The following HNRNPUL1 variants were observed in gnomAD, a reference collection of about 807,000 sequenced individuals.
HNRNPUL1 encodes the protein heterogeneous nuclear ribonucleoprotein U like 1.
A neutral mutation model predicts 108.5 loss-of-function variants in HNRNPUL1; 14 were observed. The ratio of observed to expected loss-of-function variants is 0.13; its 90% CI spans 0.09 to 0.20. HNRNPUL1 has a LOEUF of 0.20. HNRNPUL1 is among the 10% of genes least tolerant of loss of function. The pLI is 1.00. For missense variants in HNRNPUL1, 804 were observed against 1,168.3 expected (o/e 0.69, Z 4.55); for synonymous variants, 422 against 445.2 (o/e 0.95, Z 0.66).
rs184389154 is a variant in HNRNPUL1, at chr19:41,288,061, A to T, written c.1000-4184A>T. 2.0e-5 allele frequency among the ~76,000 whole-genome samples: 3 copies of T among 152,032 alleles called. No homozygotes were observed. In the East Asian group the frequency reaches 5.8e-4, roughly 29 times the overall value. On this transcript the variant is annotated intron_variant, in intron 7 of 14. Transcript: ENST00000392006. ...ATCATTGTGAATTGATTTTTTCAAG[A>T]ATAGGGTTTCCAAAAAAAAATCGAG...
intron 7 of HNRNPUL1, among the ~76,000 whole-genome samples, chr19:41,284,760 G>A (rs1366263730): frequency 6.6e-6 from 1 of 152,134 alleles, no homozygotes; most frequent in African/African-American, 2.4e-5. Context: ...CACTTTGGGC[G>A]GCCAAGGAGG....
At chr19:41,264,976 C>T (rs1461689149) in intron 1 of HNRNPUL1, 178 bp downstream of exon 1, 66 of 1,347,374 alleles carry the variant, frequency 4.9e-5, no homozygotes, top group Non-Finnish European at 1.3e-5. Context: ...AGGGTGGATC[C>T]TGACACTCAG....
chr19:41,301,253 A>G (rs190556260), intron 10 of HNRNPUL1, among the ~76,000 whole-genome samples: 71 of 152,342 alleles, frequency 4.7e-4, no homozygotes, highest in Non-Finnish European at 8.7e-4. Context: ...GGGAAAAGAA[A>G]TTGTAAGGTC....
At chr19:41,286,182 T>G (rs2036214226) in intron 7 of HNRNPUL1, among the ~76,000 whole-genome samples, 1 of 151,032 alleles carries the variant, frequency 6.6e-6, no homozygotes, top group Non-Finnish European at 1.5e-5. Flanking sequence ...ACCTAACTTT[T>G]CCTTTTTTTT....
Position 41,307,098 on chromosome 19 carries a change from G to C in HNRNPUL1, c.*533G>C, listed in dbSNP as rs1447848151. 1.3e-5 allele frequency: 2 copies of C among 150,746 alleles called. No homozygotes were observed. The highest frequency in any genetic ancestry group is 3.0e-5 in the Non-Finnish European group (2 of 67,708). 9.3% of individuals were successfully genotyped at this position (150,746 alleles called of 1,614,324 possible). ...GGGGAGGAAGCAGTGACTTTTTTTTGGTAATTATGCGCTTTTTTTTAATTT... is the reference window on the plus strand; with the variant it reads ...GGGGAGGAAGCAGTGACTTTTTTTTCGTAATTATGCGCTTTTTTTTAATTT... On this transcript the variant is annotated 3_prime_UTR_variant, in exon 15 of 15. Coordinates refer to ENST00000392006, the MANE Select transcript of HNRNPUL1 (RefSeq NM_007040.6).
intron 2 of HNRNPUL1, among the ~76,000 whole-genome samples, chr19:41,269,837 G>A (rs1244192450): frequency 6.6e-6 from 1 of 152,030 alleles, no homozygotes; most frequent in Non-Finnish European, 1.5e-5. Context: ...GCTGTTACAT[G>A]CCTGTAATCC....
At chr19:41,287,331 A>C (rs1383246117) in intron 7 of HNRNPUL1, among the ~76,000 whole-genome samples, 1 of 152,074 alleles carries the variant, frequency 6.6e-6, no homozygotes, top group Non-Finnish European at 1.5e-5. Context: ...AAGAGTAAAG[A>C]TATTAATGAC....
At chr19:41,275,217 G>T (rs2035475456) in intron 4 of HNRNPUL1, among the ~76,000 whole-genome samples, 1 of 152,176 alleles carries the variant, frequency 6.6e-6, no homozygotes, top group Non-Finnish European at 1.5e-5. Context: ...TTCCCAAATT[G>T]ATAGAATTAC....
Position 41,264,553 on chromosome 19 carries a change from G to T in HNRNPUL1, c.50G>T (p.Arg17Leu). Reference sequence around the variant, plus strand: ...AACGAACTTCGCGAGGAGCTGCAGCGCCGCGGCCTGGACACTCGAGGCCTC... The same window carrying T: ...AACGAACTTCGCGAGGAGCTGCAGCTCCGCGGCCTGGACACTCGAGGCCTC... Reference protein sequence around the residue: ...KVNELREELQRRGLDTRGLKA... With the variant: ...KVNELREELQLRGLDTRGLKA... The change falls in exon 1 of 15, where the codon CGC becomes CTC. Residue 17 changes from arginine to leucine, a missense_variant. This residue lies in a region of HNRNPUL1 where 256 missense variants were observed against 261.6 expected (regional missense o/e 0.98). Coordinates refer to ENST00000392006, the MANE Select transcript of HNRNPUL1 (RefSeq NM_007040.6). 1.3e-6 allele frequency: 2 copies of T among 1,519,118 alleles called. No individual in the cohort carries two copies. The allele number at this position is 1,519,118 out of a possible 1,614,324, so 94.1% of individuals were successfully genotyped here.
rs370119348 is a variant in HNRNPUL1, at chr19:41,292,198, C to T, written c.1000-47C>T. On this transcript the variant is annotated intron_variant, in intron 7 of 14. Transcript: ENST00000392006. This position sits in a 1 kb window ranked among gnomAD's most constrained non-coding sequence, Gnocchi z 4.1. ...CTGTCCTCACATTTGACTCCCAGTG[C>T]CTATGGCAAGAGTTGGCAATCATAT... is the stretch of plus-strand genomic sequence containing the variant. The T allele has an allele frequency of 1.9e-6, 3 of 1,598,272 alleles. No homozygotes were observed. In the African/African-American group the frequency reaches 4.0e-5, roughly 21 times the overall value.
chr19:41,294,763 C>T lies in HNRNPUL1; in HGVS notation c.1518+77C>T. The stretch of plus-strand genomic sequence containing the variant: ...ATGCCTGAGAATCTCCCTCTGGTCC[C>T]TTTCTTTTTTCCCCCGTAATGATGA... On this transcript the variant is annotated intron_variant, in intron 10 of 14. Coordinates refer to ENST00000392006, the MANE Select transcript of HNRNPUL1 (RefSeq NM_007040.6). This position sits in a 1 kb window ranked among gnomAD's most constrained non-coding sequence, Gnocchi z 4.3. 6.4e-7 allele frequency: 1 copy of T among 1,563,176 alleles called. No individual in the cohort carries two copies. The highest frequency in any genetic ancestry group is 8.8e-7 in the Non-Finnish European group (1 of 1,138,186).
At chr19:41,282,505 G>C (rs1221679274) in intron 7 of HNRNPUL1, among the ~76,000 whole-genome samples, 1 of 151,736 alleles carries the variant, frequency 6.6e-6, no homozygotes, top group Non-Finnish European at 1.5e-5. Flanking sequence ...TTAACTTTGA[G>C]ATAAATTCAA....
In HNRNPUL1 at chr19:41,305,695, C is replaced by A. The variant is rs748923922; in HGVS notation, c.2282C>A (p.Pro761His). 2.5e-6 allele frequency: 4 copies of A among 1,614,162 alleles called. No homozygotes were observed. In the Admixed American group the frequency reaches 5.0e-5, roughly 20 times the overall value. ...SPPQPSYSQP[P>H]YNQGGYSQGY... ...TTCCAGCCGAGTTACAGCCAGCCAC[C>A]CTACAACCAGGGAGGTTACAGCCAG... The change falls in exon 14 of 15, where the codon CCC (proline) becomes CAC (histidine). Residue 761 changes from proline to histidine, a missense_variant. Around this residue, in one of 4 missense-constraint regions of HNRNPUL1, gnomAD observed 294 missense variants for 388.3 expected, o/e 0.76. Coordinates refer to ENST00000392006, the MANE Select transcript of HNRNPUL1 (RefSeq NM_007040.6).
At position 41,306,754 on chromosome 19, in the gene HNRNPUL1, C is replaced by T. The variant is rs1225396663; in HGVS notation, c.*189C>T. The T allele has an allele frequency of 1.5e-5, 6 of 407,790 alleles. No homozygotes were observed. Among genetic ancestry groups the T allele is most frequent in the Non-Finnish European group, 2.6e-5 (6 of 229,690 alleles). The allele number at this position is 407,790 out of a possible 1,614,324, so 25.3% of individuals were successfully genotyped here. A position where few individuals can be genotyped will look rare whatever the true frequency, so the allele number is the denominator to read the frequency against. On this transcript the variant is annotated 3_prime_UTR_variant, in exon 15 of 15. Coordinates refer to ENST00000392006, the MANE Select transcript of HNRNPUL1 (RefSeq NM_007040.6). ...CCTCCATAGGGCCAGGCATTTTTTTCTGGATTCAAACAGGCAACAATGACC... is the reference window on the plus strand; with the variant it reads ...CCTCCATAGGGCCAGGCATTTTTTTTTGGATTCAAACAGGCAACAATGACC...
At chr19:41,264,218 T>G (rs972788467), upstream of HNRNPUL1, 2 of 326,376 alleles carry the variant, frequency 6.1e-6, no homozygotes, top group African/African-American at 2.1e-5. Flanking sequence ...TCCTCCCCAG[T>G]AGCTCCTAGG....
intron 7 of HNRNPUL1, among the ~76,000 whole-genome samples, chr19:41,285,894 C>T (rs370171598): frequency 3.9e-5 from 6 of 152,126 alleles, no homozygotes; most frequent in Admixed American, 6.5e-5. Flanking sequence ...ACTGGCTGAG[C>T]GCAGTGGCTC....
rs974032809 is a variant in HNRNPUL1 at position 41,294,165 on chromosome 19, A to G, written c.1267-173A>G. On this transcript the variant is annotated intron_variant, in intron 8 of 14. Coordinates refer to ENST00000392006, the MANE Select transcript of HNRNPUL1 (RefSeq NM_007040.6). This position sits in a 1 kb window ranked among gnomAD's most constrained non-coding sequence, Gnocchi z 4.3. ...CCAGGCACTGTGCTCAGAGTCTGAC[A>G]AGCCTGATCTTTTTGAATCCCGATA... Among the ~76,000 whole-genome samples the G allele has an allele frequency of 2.0e-5, 3 of 152,166 alleles. No individual in the cohort carries two copies. The highest frequency in any genetic ancestry group is 3.9e-4 in the East Asian group (2 of 5,170).
rs2035610813 is a variant in HNRNPUL1, at chr19:41,277,116, AC to A, written c.786+819del. On this transcript the variant is annotated intron_variant, in intron 5 of 14. Coordinates refer to ENST00000392006, the MANE Select transcript of HNRNPUL1 (RefSeq NM_007040.6). ...TGTCTCAAAAAAAAAAAACAAAAAA[AC>A]AAAAACAAAAAAAACAAAACAGGTT... Among the ~76,000 whole-genome samples the A allele has an allele frequency of 5.3e-5, 8 of 151,026 alleles. No homozygotes were observed. The South Asian group carries it at 1.5e-3, about 28-fold the overall frequency.
intron 2 of HNRNPUL1, among the ~76,000 whole-genome samples, chr19:41,271,792 C>A (rs113056635): frequency 0.028 from 4,227 of 152,298 alleles, 226 homozygotes; most frequent in African/African-American, 0.096. Context: ...TCCTCTCCCC[C>A]TCCCTTGCCA....
Sources: gnomAD v4.1 joint callset for allele counts (sites outside exome capture counted in the v4.1 genomes callset) on GRCh38, gnomAD v4.1.1 for gene constraint, gnomAD v4.1.1 regional missense constraint, Gnocchi (gnomAD v3.1) non-coding constraint, MANE v1.5 for transcripts, NCBI Gene and HGNC (gene_info 2026-07-23, HGNC 2026-07-21) for gene names.